TIAM1: variants seen among roughly 807,000 people sequenced by gnomAD.
TIAM1 encodes rho guanine nucleotide exchange factor TIAM1.
In TIAM1, 65 loss-of-function variants were observed where a neutral mutation model predicts 163.5. The ratio of observed to expected loss-of-function variants is 0.40; its 90% CI spans 0.33 to 0.49. TIAM1 has a LOEUF of 0.49. Ranked by LOEUF, TIAM1 falls within the 20% of genes least tolerant of loss-of-function variation. The probability of loss-of-function intolerance (pLI) is 0.77; values close to 1 mark genes in which losing one functional copy is unlikely to be tolerated. For synonymous variants in TIAM1, 833 were observed against 810.1 expected (o/e 1.03, Z -0.48); for missense variants, 1,789 against 2,044.7 (o/e 0.87, Z 2.41).
chr21:31,181,250 G>C lies in TIAM1; in HGVS notation c.2887+1171C>G, dbSNP rs115119713. On this transcript the variant is annotated intron_variant, in intron 15 of 27. Coordinates refer to ENST00000541036, the MANE Select transcript of TIAM1 (RefSeq NM_001353694.2). ...ACCCATGTAGCAAACCACATGTAAA[G>C]AGCCGGGAAGACAAAAATGAGGAAT... Among the ~76,000 whole-genome samples the C allele has an allele frequency of 9.9e-3, 1,510 of 152,258 alleles. 24 individuals carry two copies. The highest frequency in any genetic ancestry group is 0.034 in the African/African-American group (1,426 of 41,546).
upstream of TIAM1, among the ~76,000 whole-genome samples, chr21:31,348,261 G>A (rs1304276738): frequency 2.0e-5 from 3 of 152,306 alleles, no homozygotes; most frequent in East Asian, 5.8e-4. Flanking sequence ...TTCAAGATCT[G>A]CGAATTTGAA....
At chr21:31,364,428 A>G (rs2076464767) in intron 2 of TIAM1, among the ~76,000 whole-genome samples, 1 of 152,170 alleles carries the variant, frequency 6.6e-6, no homozygotes, top group African/African-American at 2.4e-5. Context: ...TACCTCACTT[A>G]CACTCAAGCC....
intron 2 of TIAM1, among the ~76,000 whole-genome samples, chr21:31,292,495 G>A (rs569867145): frequency 1.2e-3 from 183 of 147,444 alleles, no homozygotes; most frequent in African/African-American, 4.2e-3. Context: ...TCAGCCTCCC[G>A]AGTAGCTGGG....
At chr21:31,468,577 C>T (rs181394294) in intron 1 of TIAM1, among the ~76,000 whole-genome samples, 79 of 151,776 alleles carry the variant, frequency 5.2e-4, no homozygotes, top group Non-Finnish European at 1.8e-4. Flanking sequence ...GAGGTGGAGA[C>T]CATCCTAGCT....
intron 2 of TIAM1, among the ~76,000 whole-genome samples, chr21:31,463,477 C>T (rs2045407865): frequency 6.6e-6 from 1 of 152,158 alleles, no homozygotes; most frequent in Admixed American, 6.5e-5. Flanking sequence ...ATTGGTCTCC[C>T]TGACTTTGCT....
At chr21:31,135,907 C>T (rs368436640) in intron 23 of TIAM1, 26 bp downstream of exon 23, 247 of 1,598,150 alleles carry the variant, frequency 1.5e-4, no homozygotes, top group Non-Finnish European at 2.1e-4. Context: ...TTTTCCCCCT[C>T]CATAAAACGC....
At chr21:31,371,176 T>C (rs1218103037) in intron 2 of TIAM1, among the ~76,000 whole-genome samples, 2 of 152,208 alleles carry the variant, frequency 1.3e-5, no homozygotes, top group African/African-American at 4.8e-5. Flanking sequence ...ATTCAAAACA[T>C]ATGGGTAGTC....
At chr21:31,473,385 G>A (rs1250982831) in intron 1 of TIAM1, among the ~76,000 whole-genome samples, 1 of 131,126 alleles carries the variant, frequency 7.6e-6, no homozygotes, top group Non-Finnish European at 1.5e-5. Context: ...AGCCGTGATC[G>A]TGCCACTGCA....
At chr21:31,543,266 C>T (rs2123282850) in intron 1 of TIAM1, among the ~76,000 whole-genome samples, 1 of 152,342 alleles carries the variant, frequency 6.6e-6, no homozygotes, top group East Asian at 1.9e-4. Flanking sequence ...ATCCCCTTTT[C>T]ACTTTGGGCT....
At chr21:31,391,049 C>A (rs1331694714) in intron 2 of TIAM1, among the ~76,000 whole-genome samples, 1 of 152,070 alleles carries the variant, frequency 6.6e-6, no homozygotes, top group Non-Finnish European at 1.5e-5. Context: ...TGCCCACGTC[C>A]AGGCCTTCTA....
intron 1 of TIAM1, among the ~76,000 whole-genome samples, chr21:31,530,018 G>C (rs991922876): frequency 3.3e-5 from 5 of 152,138 alleles, no homozygotes; most frequent in Non-Finnish European, 7.3e-5. Flanking sequence ...TAACACGTTG[G>C]AAGGCAAGAA....
chr21:31,286,315 G>A (rs925461246), intron 2 of TIAM1, among the ~76,000 whole-genome samples: 1 of 152,148 alleles, frequency 6.6e-6, no homozygotes, highest in Non-Finnish European at 1.5e-5. Flanking sequence ...TGTAATCCTA[G>A]CATGTTGGGA....
chr21:31,134,005 T>C (rs1006480973), intron 23 of TIAM1, among the ~76,000 whole-genome samples: 1 of 151,898 alleles, frequency 6.6e-6, no homozygotes, highest in African/African-American at 2.4e-5. Context: ...GAGGCAGAGG[T>C]TGCAGTGAGC....
chr21:31,297,451 A>G (rs2074322796), intron 2 of TIAM1, among the ~76,000 whole-genome samples: 3 of 152,248 alleles, frequency 2.0e-5, no homozygotes, highest in South Asian at 2.1e-4. Context: ...CTGGAGTGCA[A>G]TGGCGAGATC....
At chr21:31,295,686 C>T (rs2074231209) in intron 2 of TIAM1, among the ~76,000 whole-genome samples, 1 of 152,096 alleles carries the variant, frequency 6.6e-6, no homozygotes, top group Non-Finnish European at 1.5e-5. Context: ...CCAATTGCCA[C>T]AGGATGGTAA....
At chr21:31,408,753 C>G (rs16988232) in intron 2 of TIAM1, among the ~76,000 whole-genome samples, 2,012 of 152,294 alleles carry the variant, frequency 0.013, 41 homozygotes, top group African/African-American at 0.046. Context: ...CTGATGAGCT[C>G]TGTTTACTGT....
At chr21:31,427,073 A>G (rs2043818495) in intron 2 of TIAM1, among the ~76,000 whole-genome samples, 1 of 152,098 alleles carries the variant, frequency 6.6e-6, no homozygotes, top group African/African-American at 2.4e-5. Context: ...GGTGTGTGCC[A>G]CCATGCCTGG....
At chr21:31,224,497 G>A (rs8128398) in intron 7 of TIAM1, among the ~76,000 whole-genome samples, 18,560 of 152,194 alleles carry the variant, frequency 0.12, 3,604 homozygotes, top group African/African-American at 0.41. Flanking sequence ...GCCACGTACT[G>A]TGCAATTCCA....
chr21:31,290,562 G>A (rs182628459), intron 2 of TIAM1, among the ~76,000 whole-genome samples: 28 of 144,106 alleles, frequency 1.9e-4, no homozygotes, highest in African/African-American at 4.9e-4. Context: ...CAGGAGAATC[G>A]CTTGAACCCA....
Sources: allele counts gnomAD v4.1 joint callset (sites outside exome capture counted in the v4.1 genomes callset), GRCh38; gene constraint gnomAD v4.1.1; transcripts MANE v1.5; gene names NCBI Gene and HGNC (gene_info 2026-07-23, HGNC 2026-07-21).